The following PRKG1 variants were observed in gnomAD, a reference collection of about 807,000 sequenced individuals.
The protein encoded by PRKG1 is cGMP-dependent protein kinase 1.
In PRKG1, 35 loss-of-function variants were observed where a neutral mutation model predicts 88.1. The observed-to-expected ratio is 0.40, with a 90% CI of 0.30 to 0.53. The LOEUF is 0.53. PRKG1 is among the 20% of genes least tolerant of loss of function. PRKG1 has a pLI of 0.59. For missense variants in PRKG1, 540 were observed against 839.8 expected (o/e 0.64, Z 4.41); for synonymous variants, 303 against 292.5 (o/e 1.04, Z -0.37).
chr10:51,763,086 A>C (rs1312037265), intron 3 of PRKG1, among the ~76,000 whole-genome samples: 1 of 152,234 alleles, frequency 6.6e-6, no homozygotes, highest in Non-Finnish European at 1.5e-5. Context: ...GAAGAAGGTT[A>C]TAATCTATAT....
chr10:51,769,358 CTGAG>C (rs1300865680), intron 3 of PRKG1, among the ~76,000 whole-genome samples: 3 of 152,132 alleles, frequency 2.0e-5, no homozygotes, highest in Non-Finnish European at 4.4e-5. Context: ...GAAGTCATTA[CTGAG>C]TGTCTACATG....
At position 51,610,385 on chromosome 10, in the gene PRKG1, A is replaced by G. The variant is rs1022052709; in HGVS notation, c.592+142549A>G. 5.3e-5 allele frequency among the ~76,000 whole-genome samples: 8 copies of G among 152,054 alleles called. No individual in the cohort carries two copies. The South Asian group carries it at 6.2e-4, about 12-fold the overall frequency. ...TCCAACATATATGTGAGAACATGCAATATTTCTCTTTCTGTGCCTGGCTTA... is the reference window on the plus strand; with the variant it reads ...TCCAACATATATGTGAGAACATGCAGTATTTCTCTTTCTGTGCCTGGCTTA... On this transcript the variant is annotated intron_variant, in intron 3 of 17. Transcript: ENST00000373980.
chr10:51,216,799 AT>A (rs1246736768), intron 2 of PRKG1, among the ~76,000 whole-genome samples: 3 of 152,184 alleles, frequency 2.0e-5, no homozygotes, highest in Admixed American at 6.6e-5. Flanking sequence ...CTAATTCAGC[AT>A]TGATTTTTTC....
intron 3 of PRKG1, among the ~76,000 whole-genome samples, chr10:51,794,557 T>C (rs993571091): frequency 3.9e-5 from 6 of 152,114 alleles, no homozygotes; most frequent in Admixed American, 2.0e-4. Flanking sequence ...GTTATTAATA[T>C]ATTGTATATA....
At chr10:52,167,104 AT>A (rs1319204782) in intron 9 of PRKG1, among the ~76,000 whole-genome samples, 1 of 151,980 alleles carries the variant, frequency 6.6e-6, no homozygotes, top group Admixed American at 6.6e-5. Context: ...AGGCTCAGTC[AT>A]TTATGAAGAG....
chr10:51,587,823 T>C (rs1279468447), intron 3 of PRKG1, among the ~76,000 whole-genome samples: 3 of 152,160 alleles, frequency 2.0e-5, no homozygotes, highest in African/African-American at 4.8e-5. Flanking sequence ...ATGGGAATAA[T>C]AAATATCTAC....
intron 3 of PRKG1, among the ~76,000 whole-genome samples, chr10:51,754,997 T>C (rs1051188461): frequency 7.5e-6 from 1 of 134,186 alleles, no homozygotes; most frequent in African/African-American, 2.9e-5. Context: ...TGGAATAACA[T>C]CAGAACTCAA....
At chr10:51,763,920 C>A (rs1838090177) in intron 3 of PRKG1, among the ~76,000 whole-genome samples, 1 of 152,056 alleles carries the variant, frequency 6.6e-6, no homozygotes. Context: ...ATAAAGCCAC[C>A]AGTGCTACTC....
chr10:51,774,534 T>G (rs1838386529), intron 3 of PRKG1, among the ~76,000 whole-genome samples: 1 of 152,102 alleles, frequency 6.6e-6, no homozygotes, highest in Non-Finnish European at 1.5e-5. Context: ...GTGTAATGGG[T>G]TTTTTTAAGA....
intron 1 of PRKG1, among the ~76,000 whole-genome samples, chr10:51,026,945 A>G (rs1180379657): frequency 6.6e-6 from 1 of 152,206 alleles, no homozygotes; most frequent in African/African-American, 2.4e-5. Flanking sequence ...AATTGTATGC[A>G]TTTCACTAAA....
At chr10:51,203,413 G>A (rs1837963585) in intron 2 of PRKG1, among the ~76,000 whole-genome samples, 1 of 152,016 alleles carries the variant, frequency 6.6e-6, no homozygotes, top group Admixed American at 6.6e-5. Context: ...TGCTCTACAT[G>A]GTTTGATGCT....
intron 2 of PRKG1, among the ~76,000 whole-genome samples, chr10:51,278,260 C>T (rs898342593): frequency 4.6e-5 from 7 of 151,988 alleles, no homozygotes; most frequent in Non-Finnish European, 7.4e-5. Flanking sequence ...TTACGTTTAT[C>T]GATTTTCGTA....
At chr10:51,945,069 A>G (rs1254240659) in intron 5 of PRKG1, among the ~76,000 whole-genome samples, 1 of 150,942 alleles carries the variant, frequency 6.6e-6, no homozygotes, top group Non-Finnish European at 1.5e-5. Flanking sequence ...AAAGTCTCCC[A>G]TTATTATTGT....
At position 51,667,966 on chromosome 10, in the gene PRKG1, T is replaced by A. The variant is rs996377643; in HGVS notation, c.593-136619T>A. Among the ~76,000 whole-genome samples the A allele has an allele frequency of 1.2e-4, 18 of 151,562 alleles. 1 individual carries two copies. The highest frequency in any genetic ancestry group is 2.9e-5 in the Non-Finnish European group (2 of 67,998). On this transcript the variant is annotated intron_variant, in intron 3 of 17. Coordinates refer to ENST00000373980, the MANE Select transcript of PRKG1 (RefSeq NM_006258.4). ...TTATTCATGGGGAGAATTTTCCAGC[T>A]CTTTTTTTTTTCCTGCCTAAAGCCA...
intron 3 of PRKG1, among the ~76,000 whole-genome samples, chr10:51,670,756 AT>A (rs1564599589): frequency 5.6e-5 from 6 of 107,268 alleles, no homozygotes; most frequent in African/African-American, 2.0e-4. Context: ...AAATAAATAA[AT>A]AAATAAATAA....
chr10:51,035,155 C>T (rs999294259), intron 1 of PRKG1, among the ~76,000 whole-genome samples: 2 of 152,084 alleles, frequency 1.3e-5, no homozygotes, highest in African/African-American at 2.4e-5. Context: ...TCTTGGCTCC[C>T]TTATGGATGA....
intron 3 of PRKG1, among the ~76,000 whole-genome samples, chr10:51,694,750 G>C (rs1467097428): frequency 6.6e-6 from 1 of 152,126 alleles, no homozygotes; most frequent in African/African-American, 2.4e-5. Context: ...GATGTGAGGG[G>C]TTATAAACGA....
chr10:51,527,648 A>G (rs1239187284), intron 3 of PRKG1, among the ~76,000 whole-genome samples: 1 of 152,234 alleles, frequency 6.6e-6, no homozygotes, highest in African/African-American at 2.4e-5. Flanking sequence ...TCTAGACGTT[A>G]TAGAGCGATT....
chr10:52,146,582 T>C (rs975253310), intron 8 of PRKG1, among the ~76,000 whole-genome samples: 1 of 152,202 alleles, frequency 6.6e-6, no homozygotes, highest in Non-Finnish European at 1.5e-5. Flanking sequence ...AGAAATGGTA[T>C]TTGAGTATAA....
Sources: allele counts gnomAD v4.1 joint callset (sites outside exome capture counted in the v4.1 genomes callset), GRCh38; gene constraint gnomAD v4.1.1; transcripts MANE v1.5; gene names NCBI Gene and HGNC (gene_info 2026-07-23, HGNC 2026-07-21).